PLA2G7: variants seen among roughly 807,000 people sequenced by gnomAD.
PLA2G7 encodes the protein phospholipase A2 group VII.
In PLA2G7, 63 loss-of-function variants were observed where a neutral mutation model predicts 49.6. That is an observed-to-expected ratio of 1.27 (90% CI 1.04 to 1.57). The LOEUF (loss-of-function observed/expected upper bound fraction) is 1.57. PLA2G7 is among the 40% of genes most tolerant of loss of function. The pLI is 0.00. For missense variants in PLA2G7, 596 were observed against 521.2 expected, an observed-to-expected ratio of 1.14 and a Z score of -1.40; for synonymous variants, 193 against 169.9, an observed-to-expected ratio of 1.14 and a Z score of -1.06.
At chr6:46,712,516 T>C (rs1765061874) in intron 5 of PLA2G7, among the ~76,000 whole-genome samples, 179 bp from the exon 6 acceptor site, 1 of 152,154 alleles carries the variant, frequency 6.6e-6, no homozygotes, top group African/African-American at 2.4e-5. Flanking sequence ...TTTGACAATG[T>C]CTGGAGGTAT....
At chr6:46,716,938 A>T (rs1356123831) in intron 3 of PLA2G7, 37 bp downstream of exon 3, 1 of 1,599,096 alleles carries the variant, frequency 6.3e-7, no homozygotes, top group Admixed American at 1.7e-5. Flanking sequence ...AGACAATATT[A>T]GAGTATCAGG....
chr6:46,716,756 T>G (rs1029170824), intron 3 of PLA2G7, among the ~76,000 whole-genome samples: 2 of 152,256 alleles, frequency 1.3e-5, no homozygotes, highest in East Asian at 3.9e-4. Flanking sequence ...GCTTCAGGTA[T>G]TAAGGAAGTG....
intron 1 of PLA2G7, among the ~76,000 whole-genome samples, chr6:46,725,356 C>T (rs1001770225): frequency 2.0e-5 from 3 of 151,908 alleles, no homozygotes; most frequent in East Asian, 1.9e-4. Flanking sequence ...CTCAGCCTCT[C>T]GAGTAGCTGG....
intron 4 of PLA2G7, 41 bp from the exon 5 acceptor site, chr6:46,714,594 G>A: frequency 8.8e-7 from 1 of 1,136,560 alleles, no homozygotes; most frequent in Non-Finnish European, 1.3e-6. Flanking sequence ...TTTTCTCTGA[G>A]TGTTGCTAGT....
At chr6:46,728,908 A>C (rs1047332258) in intron 1 of PLA2G7, among the ~76,000 whole-genome samples, 1 of 152,202 alleles carries the variant, frequency 6.6e-6, no homozygotes, top group African/African-American at 2.4e-5. Flanking sequence ...CAAGGTTTGA[A>C]TCTTGAATCT....
chr6:46,733,350 A>G (rs1290043200), intron 1 of PLA2G7, among the ~76,000 whole-genome samples: 1 of 152,216 alleles, frequency 6.6e-6, no homozygotes, highest in Non-Finnish European at 1.5e-5. Flanking sequence ...GTGCTAAGCA[A>G]GCCCTTCCAC....
Position 46,709,362 on chromosome 6 carries a change from C to T in PLA2G7, c.834G>A (p.Thr278=), listed in dbSNP as rs138488766. 3.3e-4 allele frequency: 525 copies of T among 1,607,558 alleles called. 1 individual carries two copies. The highest frequency in any genetic ancestry group is 8.7e-4 in the South Asian group (79 of 90,904). Residue 278 remains threonine (T), a synonymous_variant, in exon 9 of 12, where the codon ACG becomes ACA. Transcript: ENST00000274793. ...GATCTTCACTAAGAGTCTGAATAAC[C>T]GTTGCTCCACCAAAAGAATGTCCAA... is the stretch of plus-strand genomic sequence containing the variant. ...AVIGHSFGGA[T]VIQTLSEDQR... is the part of the protein sequence containing the mutation.
Position 46,704,347 on chromosome 6 carries a change from T to C in PLA2G7, c.*213A>G. 1.8e-6 allele frequency: 1 copy of C among 556,652 alleles called. No homozygotes were observed. Among genetic ancestry groups the C allele is most frequent in the Non-Finnish European group, 3.2e-6 (1 of 311,194 alleles). 34.5% of individuals were successfully genotyped at this position (556,652 alleles called of 1,614,324 possible). A position where few individuals can be genotyped will look rare whatever the true frequency, so the allele number is the denominator to read the frequency against. On this transcript the variant is annotated 3_prime_UTR_variant, in exon 12 of 12. Transcript: ENST00000274793. ...TTGTATACTGTATTCTTTCTTTACATCTAAAGGGAAAAAATTCTTAGTCCA... is the reference window on the plus strand; with the variant it reads ...TTGTATACTGTATTCTTTCTTTACACCTAAAGGGAAAAAATTCTTAGTCCA...
At chr6:46,704,840 A>G in intron 11 of PLA2G7, 144 bp from the exon 12 acceptor site, 1 of 648,240 alleles carries the variant, frequency 1.5e-6, no homozygotes, top group Admixed American at 2.7e-5. Flanking sequence ...CAGCTGCCTC[A>G]TGGCTGCTTT....
At position 46,729,989 on chromosome 6, in the gene PLA2G7, A is replaced by G. The variant is rs1483131128; in HGVS notation, c.-35+5191T>C. Among the ~76,000 whole-genome samples the G allele has an allele frequency of 2.0e-5, 3 of 152,322 alleles. No homozygotes were observed. In the East Asian group the frequency reaches 5.8e-4, roughly 29 times the overall value. ...TGGATAGGCCAGGAAAAATCTAAAGACATCTTCAGTTGCATGACAAAAGTA... is the reference window on the plus strand; with the variant it reads ...TGGATAGGCCAGGAAAAATCTAAAGGCATCTTCAGTTGCATGACAAAAGTA... On this transcript the variant is annotated intron_variant, in intron 1 of 11. Coordinates refer to ENST00000274793, the MANE Select transcript of PLA2G7 (RefSeq NM_005084.4).
In PLA2G7 at chr6:46,704,462, TCTCTCTCTCTCTCTCTCACACACACACA is replaced by T. The variant is rs1421472890; in HGVS notation, c.*70_*97del. 1.2e-4 allele frequency: 75 copies of T among 617,546 alleles called. 1 individual carries two copies. In the African/African-American group the frequency reaches 2.3e-3, roughly 19 times the overall value. 38.3% of individuals were successfully genotyped at this position (617,546 alleles called of 1,614,324 possible). On this transcript the variant is annotated 3_prime_UTR_variant, in exon 12 of 12. Transcript: ENST00000274793. Reference sequence around the variant, plus strand: ...AAAATTCTCTCTCTCTCTCTCTCTCTCTCTCTCTCTCTCTCTCACACACACACACACACACACACACACACACATAATT... The same window carrying T: ...AAAATTCTCTCTCTCTCTCTCTCTCTCACACACACACACACACACATAATT...
chr6:46,722,186 A>G (rs1765421574), intron 2 of PLA2G7, among the ~76,000 whole-genome samples: 2 of 152,054 alleles, frequency 1.3e-5, no homozygotes, highest in Non-Finnish European at 2.9e-5. Flanking sequence ...TTCCCCACTT[A>G]CCACAAGGCA....
intron 5 of PLA2G7, among the ~76,000 whole-genome samples, chr6:46,713,714 G>T (rs1018910451): frequency 3.3e-5 from 5 of 152,276 alleles, no homozygotes; most frequent in Admixed American, 6.5e-5. Context: ...AAGTGAAGAG[G>T]GTGGTTGTTG....
chr6:46,705,391 G>A, intron 10 of PLA2G7, 90 bp from the exon 11 acceptor site: 1 of 1,058,150 alleles, frequency 9.5e-7, no homozygotes, highest in Non-Finnish European at 1.4e-6. Context: ...TGGTCTTGTT[G>A]GTCTGTTTAC....
At position 46,708,437 on chromosome 6, in the gene PLA2G7, A is replaced by G. The variant is rs45563237; in HGVS notation, c.870-276T>C. ...ATATCCTTAAAACTTTTTATTCAAA[A>G]TAAATTTTAGAATACATAATAATTT... On this transcript the variant is annotated intron_variant, in intron 9 of 11. Coordinates refer to ENST00000274793, the MANE Select transcript of PLA2G7 (RefSeq NM_005084.4). Among the ~76,000 whole-genome samples the G allele has an allele frequency of 3.8e-3, 577 of 152,314 alleles. 2 individuals carry two copies. Among genetic ancestry groups the G allele is most frequent in the African/African-American group, 0.013 (544 of 41,568 alleles).
chr6:46,731,136 G>T (rs1765722562), intron 1 of PLA2G7, among the ~76,000 whole-genome samples: 1 of 152,210 alleles, frequency 6.6e-6, no homozygotes, highest in Non-Finnish European at 1.5e-5. Flanking sequence ...TCAGGAAAGA[G>T]AAATAGAGTT....
chr6:46,717,709 C>CTTTTTTTTTTTTTTTTTTT (rs760308042), intron 2 of PLA2G7, among the ~76,000 whole-genome samples: 1 of 116,206 alleles, frequency 8.6e-6, no homozygotes. Flanking sequence ...TTTCTTTTTT[C>CTTTTTTTTTTTTTTTTTTT]TTTTTCTTTT....
rs184055489 is a variant in PLA2G7 at position 46,729,141 on chromosome 6, A to G, written c.-35+6039T>C. On this transcript the variant is annotated intron_variant, in intron 1 of 11. Transcript: ENST00000274793. The stretch of plus-strand genomic sequence containing the variant: ...ACTGGGGTGTGGAGGAGCCTGGGGC[A>G]CACCGGAAATGGGATGTACAAGCAA... 4.1e-4 allele frequency among the ~76,000 whole-genome samples: 62 copies of G among 152,306 alleles called. No homozygotes were observed. The East Asian group carries it at 7.5e-3, about 18-fold the overall frequency.
intron 9 of PLA2G7, 34 bp downstream of exon 9, chr6:46,709,293 A>G (rs200024347): frequency 3.5e-6 from 4 of 1,132,872 alleles, no homozygotes; most frequent in African/African-American, 1.5e-5. Flanking sequence ...CCAATAATTT[A>G]CTATTCTCTT....
Sources: allele counts gnomAD v4.1 joint callset (sites outside exome capture counted in the v4.1 genomes callset), GRCh38; gene constraint gnomAD v4.1.1; transcripts MANE v1.5; gene names NCBI Gene and HGNC (gene_info 2026-07-23, HGNC 2026-07-21).